RFX3: variants seen among roughly 807,000 people sequenced by gnomAD.
RFX3 encodes the protein transcription factor RFX3.
A neutral mutation model predicts 98.6 loss-of-function variants in RFX3; 14 were observed. The observed-to-expected ratio is 0.14, with a 90% CI of 0.09 to 0.22. RFX3 has a LOEUF of 0.22. Among genes scored for constraint, RFX3 ranks in the 10% least tolerant of loss-of-function variants. The probability of loss-of-function intolerance (pLI) is 1.00; values close to 1 mark genes in which losing one functional copy is unlikely to be tolerated. For missense variants in RFX3, 639 were observed against 926.9 expected, an observed-to-expected ratio of 0.69 and a Z score of 4.03; for synonymous variants, 383 against 328.4, an observed-to-expected ratio of 1.17 and a Z score of -1.80.
intron 1 of RFX3, among the ~76,000 whole-genome samples, chr9:3,459,390 A>G (rs1847481937): frequency 6.6e-6 from 1 of 152,174 alleles, no homozygotes; most frequent in Non-Finnish European, 1.5e-5. Flanking sequence ...CACATCTGTG[A>G]AAAGTGGAAG....
chr9:3,351,790 G>C (rs1422182350), intron 2 of RFX3, among the ~76,000 whole-genome samples: 1 of 151,708 alleles, frequency 6.6e-6, no homozygotes, highest in Non-Finnish European at 1.5e-5. Flanking sequence ...AATTACCAAA[G>C]GGATTATATT....
At chr9:3,292,574 C>T (rs1029461026) in intron 6 of RFX3, among the ~76,000 whole-genome samples, 1 of 152,216 alleles carries the variant, frequency 6.6e-6, no homozygotes, top group East Asian at 1.9e-4. Flanking sequence ...TAACTGGCCT[C>T]CAGAAATGAA....
At chr9:3,426,021 C>A (rs1283006324) in intron 1 of RFX3, among the ~76,000 whole-genome samples, 1 of 152,072 alleles carries the variant, frequency 6.6e-6, no homozygotes, top group East Asian at 1.9e-4. Context: ...CCAAAAAAAC[C>A]CATCATTCAA....
chr9:3,396,466 G>C (rs1002254851), intron 1 of RFX3, among the ~76,000 whole-genome samples: 2 of 152,164 alleles, frequency 1.3e-5, no homozygotes, highest in Admixed American at 6.5e-5. Context: ...TTGGTTCCGA[G>C]TCTTTGCTGT....
At chr9:3,270,247 T>C in intron 11 of RFX3, 124 bp downstream of exon 11, 1 of 995,376 alleles carries the variant, frequency 1.0e-6, no homozygotes, top group Middle Eastern at 2.7e-4. Flanking sequence ...CTGTGTTGCA[T>C]GTTTTCTATC....
chr9:3,263,100 A>G lies in RFX3; in HGVS notation c.1456-16T>C, dbSNP rs375296301. The G allele has an allele frequency of 1.6e-4, 261 of 1,610,056 alleles. No homozygotes were observed. Among genetic ancestry groups the G allele is most frequent in the Non-Finnish European group, 2.1e-4 (245 of 1,178,094 alleles). On this transcript the variant is annotated splice_polypyrimidine_tract_variant and intron_variant, in intron 12 of 16. Coordinates refer to ENST00000617270, the MANE Select transcript of RFX3 (RefSeq NM_001282116.2). The stretch of plus-strand genomic sequence containing the variant: ...CAGCGGCAACCTGTAACGCAATCCA[A>G]TTAAGTTGGGATTCTGTTTCCTCCA...
intron 1 of RFX3, among the ~76,000 whole-genome samples, chr9:3,514,577 G>T (rs182160213): frequency 1.3e-5 from 2 of 151,930 alleles, no homozygotes; most frequent in Non-Finnish European, 2.9e-5. Flanking sequence ...CAGTCCTGAG[G>T]GGGTGGTACT....
chr9:3,342,455 G>A (rs1272415804), intron 3 of RFX3, among the ~76,000 whole-genome samples: 1 of 152,116 alleles, frequency 6.6e-6, no homozygotes, highest in East Asian at 1.9e-4. Flanking sequence ...TCCATACAAT[G>A]CATACTTTTG....
chr9:3,470,112 C>G (rs928218871), intron 1 of RFX3, among the ~76,000 whole-genome samples: 3 of 152,068 alleles, frequency 2.0e-5, no homozygotes, highest in African/African-American at 7.3e-5. Flanking sequence ...AAGAGCCAGT[C>G]AGGTTTAAGT....
At chr9:3,316,268 C>A (rs973653513) in intron 4 of RFX3, among the ~76,000 whole-genome samples, 1 of 152,128 alleles carries the variant, frequency 6.6e-6, no homozygotes, top group Non-Finnish European at 1.5e-5. Context: ...GAACCAAAGA[C>A]AAAAACCATA....
chr9:3,305,606 G>T (rs1341714010), intron 4 of RFX3, among the ~76,000 whole-genome samples: 1 of 151,998 alleles, frequency 6.6e-6, no homozygotes, highest in African/African-American at 2.4e-5. Flanking sequence ...ACAAAGATAT[G>T]AAGGATTAAC....
intron 1 of RFX3, among the ~76,000 whole-genome samples, chr9:3,412,161 A>G (rs1842514768): frequency 1.3e-5 from 2 of 152,152 alleles, no homozygotes; most frequent in Non-Finnish European, 2.9e-5. Flanking sequence ...TACTTTCCAA[A>G]GTACAGTAGA....
intron 1 of RFX3, among the ~76,000 whole-genome samples, chr9:3,467,622 T>C (rs1175741581): frequency 6.6e-6 from 1 of 152,112 alleles, no homozygotes; most frequent in Non-Finnish European, 1.5e-5. Flanking sequence ...CTTTATTAAT[T>C]ATAAATCAAG....
chr9:3,448,573 C>T (rs1407684819), intron 1 of RFX3, among the ~76,000 whole-genome samples: 2 of 152,060 alleles, frequency 1.3e-5, no homozygotes, highest in Non-Finnish European at 2.9e-5. Context: ...ACTGCGGTGG[C>T]GCCATCATAG....
At chr9:3,313,749 G>C (rs1014655257) in intron 4 of RFX3, among the ~76,000 whole-genome samples, 40 of 152,326 alleles carry the variant, frequency 2.6e-4, no homozygotes, top group African/African-American at 9.1e-4. Flanking sequence ...TAGCCGATTT[G>C]ATTAAGTGGA....
At chr9:3,489,108 GATT>G (rs2133474139) in intron 1 of RFX3, among the ~76,000 whole-genome samples, 1 of 151,904 alleles carries the variant, frequency 6.6e-6, no homozygotes, top group South Asian at 2.1e-4. Context: ...TAAATCACAT[GATT>G]ATTTTTAAAT....
chr9:3,346,713 C>T lies in RFX3; in HGVS notation c.169G>A (p.Val57Met). The part of the protein sequence containing the change: ...QQVQHVYPAQ[V>M]QYVEGSDTVY... ...GTATCGCTTCCTTCCACATACTGCA[C>T]CTGAGCGGGATAGACATGTTGTACC... The change falls in exon 3 of 17, where the codon GTG (valine) becomes ATG (methionine). Residue 57 changes from valine (V) to methionine (M), a missense_variant. By Grantham distance (21) the Val-to-Met change is conservative. Around this residue, in one of 9 missense-constraint regions of RFX3, gnomAD observed 210 missense variants for 197.7 expected, o/e 1.06. Coordinates refer to ENST00000617270, the MANE Select transcript of RFX3 (RefSeq NM_001282116.2). 1 of 1,613,848 alleles carries T rather than the reference C, an allele frequency of 6.2e-7. No homozygotes were observed. Among genetic ancestry groups the T allele is most frequent in the Non-Finnish European group, 8.5e-7 (1 of 1,179,790 alleles).
chr9:3,476,145 T>C (rs1048533269), intron 1 of RFX3, among the ~76,000 whole-genome samples: 1 of 150,874 alleles, frequency 6.6e-6, no homozygotes, highest in Non-Finnish European at 1.5e-5. Context: ...GAGTAATTGC[T>C]ACAAATGATT....
chr9:3,290,175 A>G (rs1827157014), intron 6 of RFX3, among the ~76,000 whole-genome samples: 1 of 151,730 alleles, frequency 6.6e-6, no homozygotes, highest in Non-Finnish European at 1.5e-5. Context: ...TGCTTCACAA[A>G]CATAACTGTA....
Sources: allele counts gnomAD v4.1 joint callset (sites outside exome capture counted in the v4.1 genomes callset), GRCh38; gene constraint gnomAD v4.1.1; regional missense constraint gnomAD v4.1.1; transcripts MANE v1.5; gene names NCBI Gene and HGNC (gene_info 2026-07-23, HGNC 2026-07-21).